Variants in FAT3 observed in about 807,000 individuals in gnomAD.
The protein encoded by FAT3 is FAT atypical cadherin 3, also known as protocadherin Fat 3.
Under a neutral mutation model 310.2 loss-of-function variants are expected in FAT3, and 95 were observed. That is an observed-to-expected ratio of 0.31 (90% CI 0.26 to 0.36). FAT3 has a LOEUF of 0.36. Ranked by LOEUF, FAT3 falls within the 10% of genes least tolerant of loss-of-function variation. FAT3 has a pLI of 1.00. For synonymous variants in FAT3, 2,314 were observed against 2,192.9 expected (o/e 1.06, Z -1.54); for missense variants, 5,408 against 5,715.6 (o/e 0.95, Z 1.74).
intron 3 of FAT3, among the ~76,000 whole-genome samples, chr11:92,689,032 A>G (rs781478488): frequency 3.3e-5 from 5 of 152,208 alleles, no homozygotes; most frequent in African/African-American, 7.2e-5. Flanking sequence ...GATAATAAGA[A>G]TAGTATTATT....
chr11:92,612,215 C>G (rs1940596560), intron 3 of FAT3, among the ~76,000 whole-genome samples: 1 of 152,166 alleles, frequency 6.6e-6, no homozygotes, highest in Admixed American at 6.6e-5. Context: ...CATTTTGTCT[C>G]TTTGTCCCAG....
chr11:92,634,728 A>G (rs1244126705), intron 3 of FAT3, among the ~76,000 whole-genome samples: 1 of 152,190 alleles, frequency 6.6e-6, no homozygotes, highest in Non-Finnish European at 1.5e-5. Flanking sequence ...TGAGCACTGT[A>G]CAAGAATGAG....
At chr11:92,854,593 C>A (rs1217042404) in intron 19 of FAT3, among the ~76,000 whole-genome samples, 2 of 152,180 alleles carry the variant, frequency 1.3e-5, no homozygotes, top group Non-Finnish European at 2.9e-5. Flanking sequence ...GTAGAAGTAC[C>A]CAAACGCTAG....
At position 92,844,435 on chromosome 11, in the gene FAT3, A is replaced by G; in HGVS notation, c.11068A>G (p.Ile3690Val). Residue 3690 changes from isoleucine to valine, a missense_variant, in exon 19 of 28, where the codon ATC (isoleucine) becomes GTC (valine). By Grantham distance (29) the Ile-to-Val change is conservative. Around this residue, in one of 5 missense-constraint regions of FAT3, gnomAD observed 4,588 missense variants for 4,809.8 expected, o/e 0.95. Transcript: ENST00000525166. Reference sequence around the variant, plus strand: ...GCAGGACAGCCTGCGCATCATCAGCATCCAGCCCGTGGCAGGCACCAACCA... The same window carrying G: ...GCAGGACAGCCTGCGCATCATCAGCGTCCAGCCCGTGGCAGGCACCAACCA... ...QKQDSLRIIS[I>V]QPVAGTNQLD... is the part of the protein sequence containing the mutation. The G allele has an allele frequency of 6.2e-7, 1 of 1,614,006 alleles. No homozygotes were observed. Among genetic ancestry groups the G allele is most frequent in the Non-Finnish European group, 8.5e-7 (1 of 1,179,892 alleles).
At chr11:92,303,109 G>C (rs150651023) in intron 1 of FAT3, among the ~76,000 whole-genome samples, 2 of 152,178 alleles carry the variant, frequency 1.3e-5, no homozygotes, top group East Asian at 3.9e-4. Flanking sequence ...ATGTTTGGTT[G>C]ATACAATTAA....
At chr11:92,461,217 A>G (rs1294672748) in intron 2 of FAT3, among the ~76,000 whole-genome samples, 2 of 151,946 alleles carry the variant, frequency 1.3e-5, no homozygotes, top group Non-Finnish European at 2.9e-5. Flanking sequence ...GTCCCTTTGC[A>G]TTTCTCTGTG....
chr11:92,314,393 A>G (rs1359291133), intron 1 of FAT3: 2 of 581,860 alleles, frequency 3.4e-6, no homozygotes, highest in African/African-American at 2.0e-5. Flanking sequence ...GCATGAAACA[A>G]GGAAAATGCT....
At chr11:92,267,441 A>C (rs1945997461) in intron 1 of FAT3, among the ~76,000 whole-genome samples, 1 of 152,140 alleles carries the variant, frequency 6.6e-6, no homozygotes, top group African/African-American at 2.4e-5. Context: ...AGGAGACCAC[A>C]GAAGCTGGAG....
In FAT3 at chr11:92,876,060, A is replaced by G. The variant is rs562234237; in HGVS notation, c.12128-4671A>G. 9.9e-5 allele frequency among the ~76,000 whole-genome samples: 15 copies of G among 152,148 alleles called. No homozygotes were observed. The East Asian group carries it at 2.7e-3, about 27-fold the overall frequency. On this transcript the variant is annotated intron_variant, in intron 22 of 27. Transcript: ENST00000525166. ...CCCTCCTTGACCCTCCCCTGCCCCC[A>G]GGTGCTTCTGATGTAGTTTTATTTA...
chr11:92,311,763 A>T (rs1040710491), intron 1 of FAT3, among the ~76,000 whole-genome samples: 7 of 152,136 alleles, frequency 4.6e-5, no homozygotes, highest in Admixed American at 4.6e-4. Context: ...TAGGGCCCAG[A>T]TTTAAAGCTG....
chr11:92,827,353 T>C (rs999631724), intron 13 of FAT3, among the ~76,000 whole-genome samples: 17 of 152,154 alleles, frequency 1.1e-4, no homozygotes, highest in African/African-American at 4.1e-4. Context: ...GAGCATCCAC[T>C]GGAAATAGAA....
chr11:92,797,829 A>C lies in FAT3; in HGVS notation c.4823-7A>C. Reference sequence around the variant, plus strand: ...AACTCATTTCACCATTGATTTCTGTATTTTAGGGAACACTGGGAACATGTT... The same window carrying C: ...AACTCATTTCACCATTGATTTCTGTCTTTTAGGGAACACTGGGAACATGTT... On this transcript the variant is annotated splice_region_variant and splice_polypyrimidine_tract_variant and intron_variant, in intron 9 of 27. Transcript: ENST00000525166. The C allele has an allele frequency of 6.2e-7, 1 of 1,603,366 alleles. No homozygotes were observed. The highest frequency in any genetic ancestry group is 8.5e-7 in the Non-Finnish European group (1 of 1,172,626).
chr11:92,366,988 T>C, intron 2 of FAT3: 2 of 522,992 alleles, frequency 3.8e-6, no homozygotes, highest in South Asian at 1.4e-5. Context: ...AGTGCCCTTA[T>C]TGAGGTGTCA....
In FAT3 at chr11:92,698,323, C is replaced by A. The variant is rs146352230; in HGVS notation, c.3669+878C>A. Among the ~76,000 whole-genome samples, 15 of 152,294 alleles carry A rather than the reference C, an allele frequency of 9.8e-5. No homozygotes were observed. The East Asian group carries it at 2.5e-3, about 26-fold the overall frequency. On this transcript the variant is annotated intron_variant, in intron 4 of 27. Coordinates refer to ENST00000525166, the MANE Select transcript of FAT3 (RefSeq NM_001367949.2). The stretch of plus-strand genomic sequence containing the variant: ...CACCTTTCAAATCTGATGATAGAAT[C>A]TCTTCTGGTCTACTCCTTTAAATTA...
chr11:92,826,937 G>C (rs538770639), intron 13 of FAT3, among the ~76,000 whole-genome samples: 1 of 152,212 alleles, frequency 6.6e-6, no homozygotes, highest in Non-Finnish European at 1.5e-5. Flanking sequence ...TAGGGATCCT[G>C]ATCTTAGGAG....
At chr11:92,737,993 T>G (rs1945402311) in intron 4 of FAT3, among the ~76,000 whole-genome samples, 1 of 152,110 alleles carries the variant, frequency 6.6e-6, no homozygotes, top group African/African-American at 2.4e-5. Flanking sequence ...ATCAGAGTGG[T>G]AGGGAGAATT....
rs1248722130 is a variant in FAT3, at chr11:92,806,356, G to T, written c.9094-6G>T. 6.9e-6 allele frequency: 11 copies of T among 1,595,912 alleles called. No individual in the cohort carries two copies. Among genetic ancestry groups the T allele is most frequent in the Non-Finnish European group, 7.7e-6 (9 of 1,170,468 alleles). On this transcript the variant is annotated splice_polypyrimidine_tract_variant and splice_region_variant and intron_variant, in intron 11 of 27. Transcript: ENST00000525166. ...GATTTTATTACCTTTCTTCACCTTTGTCCAGGTTGCATATACAGCATTACT... is the reference window on the plus strand; with the variant it reads ...GATTTTATTACCTTTCTTCACCTTTTTCCAGGTTGCATATACAGCATTACT...
chr11:92,517,214 C>T (rs548589370), intron 2 of FAT3, among the ~76,000 whole-genome samples: 1 of 152,228 alleles, frequency 6.6e-6, no homozygotes, highest in South Asian at 2.1e-4. Flanking sequence ...AGGCATCACG[C>T]TACCTGACTT....
intron 2 of FAT3, among the ~76,000 whole-genome samples, chr11:92,466,075 A>T (rs1039635632): frequency 2.4e-4 from 36 of 152,212 alleles, no homozygotes; most frequent in Middle Eastern, 3.4e-3. Context: ...TACCTTCCAG[A>T]TGGGGAAATG....
Sources: gnomAD v4.1 joint callset for allele counts (sites outside exome capture counted in the v4.1 genomes callset) on GRCh38, gnomAD v4.1.1 for gene constraint, gnomAD v4.1.1 regional missense constraint, MANE v1.5 for transcripts, NCBI Gene and HGNC (gene_info 2026-07-23, HGNC 2026-07-21) for gene names.